SLC8A1: variants seen among roughly 807,000 people sequenced by gnomAD.
SLC8A1 encodes the protein sodium/calcium exchanger 1.
A neutral mutation model predicts 68.3 loss-of-function variants in SLC8A1; 18 were observed. That is an observed-to-expected ratio of 0.26 (90% CI 0.18 to 0.39). SLC8A1 has a LOEUF of 0.39. SLC8A1 is among the 10% of genes least tolerant of loss of function. The pLI, the probability that SLC8A1 is intolerant of heterozygous loss-of-function variation, is 1.00. For synonymous variants in SLC8A1, 475 were observed against 415.5 expected, an observed-to-expected ratio of 1.14 and a Z score of -1.74; for missense variants, 985 against 1,156.7, an observed-to-expected ratio of 0.85 and a Z score of 2.15.
At chr2:40,488,452 TTGTGTG>T (rs58801295) in intron 1 of SLC8A1, among the ~76,000 whole-genome samples, 14 of 149,236 alleles carry the variant, frequency 9.4e-5, no homozygotes, top group Non-Finnish European at 1.9e-4. Context: ...ACTTTCTAGT[TTGTGTG>T]TGTGTGTGTG....
At chr2:40,190,344 T>G (rs1318148185) in intron 2 of SLC8A1, among the ~76,000 whole-genome samples, 3 of 152,164 alleles carry the variant, frequency 2.0e-5, no homozygotes, top group Non-Finnish European at 4.4e-5. Context: ...AAACTGAGAC[T>G]CAGTGAAATT....
chr2:40,421,694 T>C (rs953917969), intron 2 of SLC8A1, among the ~76,000 whole-genome samples: 3 of 152,132 alleles, frequency 2.0e-5, no homozygotes, highest in Admixed American at 6.6e-5. Flanking sequence ...CCTATTCCCA[T>C]ATTTAGCCCT....
chr2:40,304,833 G>A (rs2072264008), intron 2 of SLC8A1, among the ~76,000 whole-genome samples: 1 of 152,084 alleles, frequency 6.6e-6, no homozygotes, highest in African/African-American at 2.4e-5. Context: ...GACCTCATGC[G>A]CCCGCCAGAG....
rs1048521929 is a variant in SLC8A1 at position 40,495,824 on chromosome 2, CTGAAAG to C, written c.-25+16519_-25+16524del. 4.6e-5 allele frequency among the ~76,000 whole-genome samples: 7 copies of C among 152,166 alleles called. No homozygotes were observed. In the East Asian group the frequency reaches 1.2e-3, roughly 25 times the overall value. ...TAGTTTTGCTTGCAGTCTCCAGGCA[CTGAAAG>C]TGACCCCCATTTAAAGAATTACCTT... On this transcript the variant is annotated intron_variant, in intron 1 of 7. Transcript: ENST00000402441.
intron 6 of SLC8A1, among the ~76,000 whole-genome samples, chr2:40,154,650 C>T (rs2044126197): frequency 6.6e-6 from 1 of 151,916 alleles, no homozygotes; most frequent in African/African-American, 2.4e-5. Flanking sequence ...ATTTCACACT[C>T]ATATGTCTTT....
intron 2 of SLC8A1, among the ~76,000 whole-genome samples, chr2:40,414,200 C>G (rs1330146594): frequency 6.6e-6 from 1 of 152,176 alleles, no homozygotes; most frequent in East Asian, 1.9e-4. Context: ...TGCTGTCTCT[C>G]ATTTTCAGTG....
chr2:40,349,138 G>A (rs1233824121), intron 2 of SLC8A1, among the ~76,000 whole-genome samples: 1 of 152,114 alleles, frequency 6.6e-6, no homozygotes. Context: ...CTAAATGAAG[G>A]AAAATTAAGA....
chr2:40,151,268 C>CGT (rs3059326), intron 6 of SLC8A1, among the ~76,000 whole-genome samples: 58,620 of 150,912 alleles, frequency 0.39, 11,486 homozygotes, highest in East Asian at 0.58. Flanking sequence ...GTGTATGGTG[C>CGT]GTGTGTGTGT....
At chr2:40,271,830 C>G (rs1175726448) in intron 2 of SLC8A1, among the ~76,000 whole-genome samples, 1 of 152,052 alleles carries the variant, frequency 6.6e-6, no homozygotes, top group Non-Finnish European at 1.5e-5. Flanking sequence ...CCGGAGTCAA[C>G]TTTTACTGAT....
intron 1 of SLC8A1, among the ~76,000 whole-genome samples, chr2:40,432,095 G>T (rs1003048443): frequency 2.0e-5 from 3 of 152,088 alleles, no homozygotes; most frequent in Non-Finnish European, 4.4e-5. Context: ...AAGGCTTTGA[G>T]ATTTCTGCTT....
At chr2:40,239,223 G>C (rs1256872067) in intron 2 of SLC8A1, among the ~76,000 whole-genome samples, 1 of 152,122 alleles carries the variant, frequency 6.6e-6, no homozygotes, top group Non-Finnish European at 1.5e-5. Context: ...AGTGAACACA[G>C]TACCCCAATT....
At chr2:40,163,665 T>C (rs778525042) in intron 5 of SLC8A1, among the ~76,000 whole-genome samples, 2 of 152,068 alleles carry the variant, frequency 1.3e-5, no homozygotes, top group East Asian at 1.9e-4. Context: ...CTAGAAAGCA[T>C]TGGTTCCACT....
chr2:40,494,681 A>ATATATATC (rs1705572290), intron 1 of SLC8A1, among the ~76,000 whole-genome samples: 1 of 115,316 alleles, frequency 8.7e-6, no homozygotes, highest in Non-Finnish European at 1.9e-5. Context: ...ATATATATAT[A>ATATATATC]TATCCAAATG....
Position 40,444,928 on chromosome 2 carries a change from G to A in SLC8A1, c.-25+6976C>T, listed in dbSNP as rs188369134. Among the ~76,000 whole-genome samples, 167 of 152,166 alleles carry A rather than the reference G, an allele frequency of 1.1e-3. 1 individual carries two copies. The highest frequency in any genetic ancestry group is 3.6e-3 in the African/African-American group (150 of 41,512). On this transcript the variant is annotated intron_variant, in intron 1 of 7. Transcript: ENST00000406785. ...TGATCTTCGGTATATGCCATTTTGC[G>A]TGTACTTATCTTCCTTTACCTTCCT...
At chr2:40,378,034 T>C (rs1680486911) in intron 2 of SLC8A1, among the ~76,000 whole-genome samples, 3 of 152,120 alleles carry the variant, frequency 2.0e-5, no homozygotes, top group Non-Finnish European at 2.9e-5. Flanking sequence ...ATTCATCAAA[T>C]ATGTATTAAT....
chr2:40,338,530 G>T (rs1666729542), intron 2 of SLC8A1, among the ~76,000 whole-genome samples: 2 of 152,106 alleles, frequency 1.3e-5, no homozygotes, highest in African/African-American at 2.4e-5. Context: ...CATGGTCTTT[G>T]ATTTTATTTC....
At chr2:40,298,631 T>C (rs1158507560) in intron 2 of SLC8A1, among the ~76,000 whole-genome samples, 1 of 152,182 alleles carries the variant, frequency 6.6e-6, no homozygotes, top group East Asian at 1.9e-4. Flanking sequence ...TAATCTATTT[T>C]GAAAGAAATT....
Position 40,384,512 on chromosome 2 carries a change from C to T in SLC8A1, c.1808+43961G>A, listed in dbSNP as rs144418246. 1.0e-2 allele frequency among the ~76,000 whole-genome samples: 1,514 copies of T among 152,070 alleles called. 21 individuals are homozygous for T. The highest frequency in any genetic ancestry group is 0.034 in the African/African-American group (1,409 of 41,512). On this transcript the variant is annotated intron_variant, in intron 2 of 7. Coordinates refer to ENST00000406785, the Ensembl canonical transcript of SLC8A1. ...ACTATACATCAACATCATCATCATT[C>T]AAAAAGAACATAGAAGACAGAACTA...
chr2:40,490,123 G>T (rs544537525), intron 1 of SLC8A1, among the ~76,000 whole-genome samples: 7 of 152,008 alleles, frequency 4.6e-5, no homozygotes, highest in Non-Finnish European at 1.0e-4. Flanking sequence ...GTGAAATTGC[G>T]TGGATATCTT....
Sources: allele counts gnomAD v4.1 joint callset (sites outside exome capture counted in the v4.1 genomes callset), GRCh38; gene constraint gnomAD v4.1.1; transcripts MANE v1.5; gene names NCBI Gene and HGNC (gene_info 2026-07-23, HGNC 2026-07-21).